TLL1: variants seen among roughly 807,000 people sequenced by gnomAD.
TLL1 encodes the protein tolloid like 1, also known as tolloid-like protein 1.
Under a neutral mutation model 128.2 loss-of-function variants are expected in TLL1, and 49 were observed. The ratio of observed to expected loss-of-function variants is 0.38; its 90% CI spans 0.30 to 0.48. The LOEUF (loss-of-function observed/expected upper bound fraction) is 0.48. Ranked by LOEUF, TLL1 falls within the 20% of genes least tolerant of loss-of-function variation. TLL1 has a pLI of 0.96. For missense variants in TLL1, 1,123 were observed against 1,242.0 expected (o/e 0.90, Z 1.44); for synonymous variants, 454 against 418.8 (o/e 1.08, Z -1.03).
chr4:165,903,604 G>A (rs1223255276), intron 1 of TLL1, among the ~76,000 whole-genome samples: 1 of 151,210 alleles, frequency 6.6e-6, no homozygotes, highest in Non-Finnish European at 1.5e-5. Context: ...GTAGAGACGG[G>A]GTTTCACCAT....
intron 1 of TLL1, among the ~76,000 whole-genome samples, chr4:165,989,153 C>T (rs1457268020): frequency 6.6e-6 from 1 of 152,012 alleles, no homozygotes; most frequent in African/African-American, 2.4e-5. Context: ...AAACTACTTT[C>T]CCCCTCTCCA....
chr4:165,931,789 T>C (rs945595960), intron 1 of TLL1, among the ~76,000 whole-genome samples: 2 of 152,036 alleles, frequency 1.3e-5, no homozygotes, highest in African/African-American at 2.4e-5. Flanking sequence ...ATTGAGCAGC[T>C]CATTTCACGA....
rs1742420626 is a variant in TLL1, at chr4:166,104,363, A to C, written c.*3487A>C. ...ATTTGGAAACTATTGTTTACTAATAAGAATAAGACTTGCCTTATGGAAAAT... is the reference window on the plus strand; with the variant it reads ...ATTTGGAAACTATTGTTTACTAATACGAATAAGACTTGCCTTATGGAAAAT... On this transcript the variant is annotated 3_prime_UTR_variant, in exon 21 of 21. Coordinates refer to ENST00000061240, the MANE Select transcript of TLL1 (RefSeq NM_012464.5). Among the ~76,000 whole-genome samples, 1 of 152,004 alleles carries C rather than the reference A, an allele frequency of 6.6e-6. No individual in the cohort carries two copies. The highest frequency in any genetic ancestry group is 2.4e-5 in the African/African-American group (1 of 41,440).
chr4:165,994,052 A>G (rs371364234), intron 3 of TLL1, among the ~76,000 whole-genome samples: 25 of 152,184 alleles, frequency 1.6e-4, no homozygotes, highest in East Asian at 5.8e-4. Context: ...GTGAATTGAT[A>G]GTGACTAGCA....
At chr4:165,874,118 T>C (rs1419851799) in intron 1 of TLL1, 45 bp downstream of exon 1, 1 of 1,611,752 alleles carries the variant, frequency 6.2e-7, no homozygotes, top group Non-Finnish European at 8.5e-7. Flanking sequence ...CGGGGGCCGC[T>C]GCGCTGGGTT....
At chr4:166,062,590 G>T (rs1740373655) in intron 15 of TLL1, among the ~76,000 whole-genome samples, 1 of 152,234 alleles carries the variant, frequency 6.6e-6, no homozygotes, top group African/African-American at 2.4e-5. Context: ...CTTTGCTGAA[G>T]TTGGTTTTCA....
intron 1 of TLL1, among the ~76,000 whole-genome samples, chr4:165,893,711 C>G (rs142419001): frequency 3.9e-5 from 6 of 152,090 alleles, no homozygotes; most frequent in Non-Finnish European, 8.8e-5. Context: ...GTAACGGTAC[C>G]TATTCTCATG....
At chr4:166,009,456 CT>C (rs776861926) in intron 7 of TLL1, among the ~76,000 whole-genome samples, 2 of 151,348 alleles carry the variant, frequency 1.3e-5, no homozygotes, top group East Asian at 1.9e-4. Flanking sequence ...TTATTCTATA[CT>C]TTTTTCCATG....
chr4:166,090,996 T>C (rs1741745336), intron 18 of TLL1, 132 bp from the exon 19 acceptor site: 1 of 683,326 alleles, frequency 1.5e-6, no homozygotes, highest in Non-Finnish European at 2.4e-6. Context: ...CTTTCTTAAT[T>C]ATGCTGTAAA....
At chr4:166,085,262 A>T (rs1462127379) in intron 18 of TLL1, among the ~76,000 whole-genome samples, 7 of 141,628 alleles carry the variant, frequency 4.9e-5, no homozygotes, top group Non-Finnish European at 4.6e-5. Flanking sequence ...TTCAATTTGG[A>T]TGCCTTTTCT....
At chr4:165,887,096 T>C (rs17633011) in intron 1 of TLL1, among the ~76,000 whole-genome samples, 25,538 of 152,128 alleles carry the variant, frequency 0.17, 2,603 homozygotes, top group East Asian at 0.31. Context: ...TGAAAAATAG[T>C]GTAAAGGGAT....
At chr4:166,048,098 T>G (rs1739540600) in intron 12 of TLL1, among the ~76,000 whole-genome samples, 1 of 151,560 alleles carries the variant, frequency 6.6e-6, no homozygotes. Flanking sequence ...TAGCTGGGCG[T>G]GGTGGTGGGC....
At position 165,989,371 on chromosome 4, in the gene TLL1, C is replaced by T; in HGVS notation, c.170-10C>T. 1.3e-6 allele frequency: 2 copies of T among 1,591,028 alleles called. No individual in the cohort carries two copies. The highest frequency in any genetic ancestry group is 2.2e-5 in the South Asian group (2 of 90,588). ...TATTTTACATTTTAATTCAACTTTTCTTTTTTTAGCTGTATTTTGGGGCGA... is the reference window on the plus strand; with the variant it reads ...TATTTTACATTTTAATTCAACTTTTTTTTTTTTAGCTGTATTTTGGGGCGA... On this transcript the variant is annotated splice_polypyrimidine_tract_variant and intron_variant, in intron 1 of 20. Transcript: ENST00000061240.
chr4:165,967,114 C>T (rs1012145481), intron 1 of TLL1, among the ~76,000 whole-genome samples: 19 of 152,148 alleles, frequency 1.2e-4, no homozygotes, highest in Non-Finnish European at 2.5e-4. Flanking sequence ...AAGAATTCAG[C>T]GATATTTCTC....
chr4:166,055,917 T>G (rs1579682926), intron 13 of TLL1, among the ~76,000 whole-genome samples: 1 of 152,212 alleles, frequency 6.6e-6, no homozygotes, highest in African/African-American at 2.4e-5. Context: ...AGAATAAAAT[T>G]TTTCTATGGG....
chr4:165,876,303 A>G (rs890388635), intron 1 of TLL1, among the ~76,000 whole-genome samples: 1 of 151,828 alleles, frequency 6.6e-6, no homozygotes, highest in Non-Finnish European at 1.5e-5. Flanking sequence ...AACAGAAAAA[A>G]AATGAAATAC....
At chr4:165,935,978 G>GT (rs1215903201) in intron 1 of TLL1, among the ~76,000 whole-genome samples, 2 of 151,270 alleles carry the variant, frequency 1.3e-5, no homozygotes, top group African/African-American at 4.8e-5. Flanking sequence ...TTGAGTGGTG[G>GT]TGTGTTCTTT....
chr4:165,942,089 G>T (rs775858637), intron 1 of TLL1, among the ~76,000 whole-genome samples: 2 of 151,996 alleles, frequency 1.3e-5, no homozygotes, highest in African/African-American at 2.4e-5. Context: ...TTTCCCAAAA[G>T]AACTCAAATC....
intron 1 of TLL1, among the ~76,000 whole-genome samples, chr4:165,984,474 C>T (rs1168400688): frequency 6.6e-6 from 1 of 151,874 alleles, no homozygotes. Context: ...TTTGAGACTT[C>T]ACTGTTGCCT....
Sources: gnomAD v4.1 joint callset for allele counts (sites outside exome capture counted in the v4.1 genomes callset) on GRCh38, gnomAD v4.1.1 for gene constraint, MANE v1.5 for transcripts, NCBI Gene and HGNC (gene_info 2026-07-23, HGNC 2026-07-21) for gene names.